Variants in INSL6 observed in about 807,000 individuals in gnomAD.
INSL6 encodes insulin like 6.
Under a neutral mutation model 9.4 loss-of-function variants are expected in INSL6, and 16 were observed. That is an observed-to-expected ratio of 1.70 (90% CI 1.15 to 2.59). The LOEUF (loss-of-function observed/expected upper bound fraction) is 2.59. Among genes scored for constraint, INSL6 ranks in the 30% most tolerant of loss-of-function variants. The pLI is 0.00. For synonymous variants in INSL6, 154 were observed against 96.9 expected, an observed-to-expected ratio of 1.59 and a Z score of -3.46; for missense variants, 391 against 257.3, an observed-to-expected ratio of 1.52 and a Z score of -3.56.
chr9:5,089,345 T>A, the INSL6 span, among the ~76,000 whole-genome samples: 1 of 152,036 alleles, frequency 6.6e-6, no homozygotes, highest in Non-Finnish European at 1.5e-5. Context: ...AAGACAATCC[T>A]GGCTAACACA....
chr9:5,159,803 A>G (rs923871184), downstream of INSL6, among the ~76,000 whole-genome samples: 1 of 152,228 alleles, frequency 6.6e-6, no homozygotes, highest in African/African-American at 2.4e-5. Context: ...CAGACCTAAT[A>G]GGTATTTACA....
chr9:5,122,135 T>A (rs1823666788), downstream of INSL6, among the ~76,000 whole-genome samples: 1 of 152,140 alleles, frequency 6.6e-6, no homozygotes, highest in Admixed American at 6.6e-5. Flanking sequence ...ATTAGGAAAC[T>A]TAAATGGGAT....
At chr9:5,021,008 A>G in the INSL6 span, among the ~76,000 whole-genome samples, 8 of 152,154 alleles carry the variant, frequency 5.3e-5, no homozygotes, top group South Asian at 2.1e-4. Flanking sequence ...GCAGCTCCCT[A>G]TGTTACTCCC....
chr9:5,044,814 A>G, the INSL6 span, among the ~76,000 whole-genome samples: 1 of 152,218 alleles, frequency 6.6e-6, no homozygotes, highest in Non-Finnish European at 1.5e-5. Context: ...GAGGTTTACA[A>G]CATGATTCAT....
chr9:5,046,104 T>G, the INSL6 span, among the ~76,000 whole-genome samples: 1 of 152,194 alleles, frequency 6.6e-6, no homozygotes, highest in East Asian at 1.9e-4. Flanking sequence ...ATTGTGATTT[T>G]GATGCATACT....
chr9:5,022,131 G>A, the INSL6 span: 1 of 1,614,118 alleles, frequency 6.2e-7, no homozygotes, highest in Non-Finnish European at 8.5e-7. Context: ...ATTCCCTTGG[G>A]AAATCTGAGG....
chr9:5,131,483 G>A (rs1439398727), intron 3 of INSL6, among the ~76,000 whole-genome samples: 3 of 125,274 alleles, frequency 2.4e-5, no homozygotes, highest in South Asian at 4.9e-4. Context: ...TGTCGTCCAG[G>A]CTGGAGTGCA....
the INSL6 span, among the ~76,000 whole-genome samples, chr9:5,105,463 C>G: frequency 1.3e-5 from 2 of 152,144 alleles, no homozygotes; most frequent in East Asian, 3.8e-4. Flanking sequence ...TAGGAAGAAT[C>G]AATATCGTGA....
At chr9:5,067,502 T>C in the INSL6 span, among the ~76,000 whole-genome samples, 1 of 152,104 alleles carries the variant, frequency 6.6e-6, no homozygotes, top group South Asian at 2.1e-4. Flanking sequence ...AAATGCAACT[T>C]ATATTTGGCA....
the INSL6 span, among the ~76,000 whole-genome samples, chr9:5,018,125 C>G: frequency 6.6e-6 from 1 of 152,030 alleles, no homozygotes; most frequent in African/African-American, 2.4e-5. Context: ...AAGGCTTATT[C>G]CTGTCATTTT....
the INSL6 span, chr9:5,108,985 G>T: frequency 2.6e-5 from 4 of 152,044 alleles, no homozygotes; most frequent in Non-Finnish European, 4.4e-5. Flanking sequence ...CACTGATATA[G>T]CCTCATGATG....
chr9:5,173,212 T>C (rs981694880), intron 1 of INSL6, among the ~76,000 whole-genome samples: 6 of 152,168 alleles, frequency 3.9e-5, no homozygotes, highest in Non-Finnish European at 7.4e-5. Context: ...AGTGTGGTGA[T>C]TCCTCAAAGA....
At chr9:5,059,466 A>C in the INSL6 span, among the ~76,000 whole-genome samples, 1 of 152,076 alleles carries the variant, frequency 6.6e-6, no homozygotes, top group African/African-American at 2.4e-5. Context: ...TATTCTGTTG[A>C]TGGACATTTG....
chr9:5,005,837 T>C, the INSL6 span, among the ~76,000 whole-genome samples: 1 of 152,246 alleles, frequency 6.6e-6, no homozygotes, highest in Admixed American at 6.5e-5. Context: ...GGCTCTGTTC[T>C]GTTCCATTGA....
At chr9:5,077,994 G>T in the INSL6 span, among the ~76,000 whole-genome samples, 3 of 152,162 alleles carry the variant, frequency 2.0e-5, no homozygotes, top group Admixed American at 1.3e-4. Context: ...TCCTGCTGCA[G>T]AACTGAAGTA....
chr9:5,178,492 C>G (rs1481635200), intron 1 of INSL6, among the ~76,000 whole-genome samples: 1 of 152,214 alleles, frequency 6.6e-6, no homozygotes, highest in Non-Finnish European at 1.5e-5. Flanking sequence ...GCTTCAGCCA[C>G]TCCAGCCAGA....
the INSL6 span, among the ~76,000 whole-genome samples, chr9:5,027,176 G>C: frequency 6.6e-6 from 1 of 152,148 alleles, no homozygotes; most frequent in East Asian, 1.9e-4. Context: ...GCTTGAAAGA[G>C]TCTCAGCAGT....
At chr9:5,035,475 A>T in the INSL6 span, among the ~76,000 whole-genome samples, 1 of 152,230 alleles carries the variant, frequency 6.6e-6, no homozygotes, top group African/African-American at 2.4e-5. Flanking sequence ...ATTGATGCAA[A>T]AATCCTCAAC....
chr9:5,027,885 C>G, the INSL6 span, among the ~76,000 whole-genome samples: 4 of 152,126 alleles, frequency 2.6e-5, no homozygotes, highest in Admixed American at 2.6e-4. Context: ...AATTTTAGTT[C>G]TCTTGTTACT....
Sources: allele counts gnomAD v4.1 joint callset (sites outside exome capture counted in the v4.1 genomes callset), GRCh38; gene constraint gnomAD v4.1.1; transcripts MANE v1.5; gene names NCBI Gene and HGNC (gene_info 2026-07-23, HGNC 2026-07-21).